The following TRPC4 variants were observed in gnomAD, a reference collection of about 807,000 sequenced individuals.
TRPC4 encodes short transient receptor potential channel 4.
Under a neutral mutation model 99.4 loss-of-function variants are expected in TRPC4, and 49 were observed. The ratio of observed to expected loss-of-function variants is 0.49; its 90% confidence interval spans 0.39 to 0.63. The LOEUF is 0.63. Ranked by LOEUF, TRPC4 falls within the 20% of genes least tolerant of loss-of-function variation. The pLI, the probability that TRPC4 is intolerant of heterozygous loss-of-function variation, is 0.00. For synonymous variants in TRPC4, 454 were observed against 425.9 expected, an observed-to-expected ratio of 1.07 and a Z score of -0.81; for missense variants, 898 against 1,152.9, an observed-to-expected ratio of 0.78 and a Z score of 3.20.
intron 3 of TRPC4, among the ~76,000 whole-genome samples, chr13:37,720,653 A>C (rs1555262587): frequency 6.6e-6 from 1 of 152,154 alleles, no homozygotes; most frequent in Non-Finnish European, 1.5e-5. Flanking sequence ...GATACACCTA[A>C]ATATTGGCAA....
chr13:37,800,287 T>C (rs1313463348), intron 1 of TRPC4, among the ~76,000 whole-genome samples: 1 of 152,178 alleles, frequency 6.6e-6, no homozygotes, highest in Non-Finnish European at 1.5e-5. Flanking sequence ...CTCCACAGTC[T>C]TGAACTCCTG....
intron 2 of TRPC4, among the ~76,000 whole-genome samples, chr13:37,779,506 C>A (rs562673729): frequency 6.6e-6 from 1 of 151,810 alleles, no homozygotes; most frequent in African/African-American, 2.4e-5. Context: ...ATGATCTATA[C>A]CCATCTATTT....
At chr13:37,667,596 C>T (rs1020493018) in intron 5 of TRPC4, among the ~76,000 whole-genome samples, 5 of 152,210 alleles carry the variant, frequency 3.3e-5, no homozygotes, top group African/African-American at 4.8e-5. Flanking sequence ...GCATTAGCCA[C>T]GGCACCCAGC....
chr13:37,835,570 A>G (rs1958543270), intron 1 of TRPC4, among the ~76,000 whole-genome samples: 1 of 152,176 alleles, frequency 6.6e-6, no homozygotes, highest in South Asian at 2.1e-4. Flanking sequence ...TACTGACAGG[A>G]GTAGTAGAGA....
intron 2 of TRPC4, among the ~76,000 whole-genome samples, chr13:37,751,395 T>C (rs931966949): frequency 1.5e-5 from 2 of 129,250 alleles, no homozygotes; most frequent in Admixed American, 7.5e-5. Context: ...GAGAAAAGAA[T>C]GAGAGAGAGA....
At chr13:37,796,967 A>AGT (rs1285404879) in intron 1 of TRPC4, among the ~76,000 whole-genome samples, 9 of 146,952 alleles carry the variant, frequency 6.1e-5, no homozygotes, top group African/African-American at 7.5e-5. Context: ...AATAAAATAA[A>AGT]ATAAAGTAAA....
chr13:37,653,387 T>C (rs1170177905), intron 7 of TRPC4, among the ~76,000 whole-genome samples: 4 of 148,040 alleles, frequency 2.7e-5, no homozygotes, highest in Non-Finnish European at 4.5e-5. Context: ...GAGTTACAGT[T>C]AACAAGAAAA....
intron 1 of TRPC4, among the ~76,000 whole-genome samples, chr13:37,786,790 G>A (rs1956982410): frequency 6.6e-6 from 1 of 152,070 alleles, no homozygotes. Context: ...GAAGTGGAAT[G>A]ACTGATTGGT....
At chr13:37,656,796 A>G (rs1245751394) in intron 6 of TRPC4, among the ~76,000 whole-genome samples, 3 of 152,240 alleles carry the variant, frequency 2.0e-5, no homozygotes, top group Non-Finnish European at 4.4e-5. Context: ...CAATAAGTAA[A>G]CTCGGAATAA....
At chr13:37,682,376 A>T (rs1302913230) in intron 4 of TRPC4, among the ~76,000 whole-genome samples, 2 of 152,220 alleles carry the variant, frequency 1.3e-5, no homozygotes, top group Non-Finnish European at 2.9e-5. Context: ...CAGGGAATAT[A>T]AAAGTAGTCT....
intron 6 of TRPC4, among the ~76,000 whole-genome samples, chr13:37,663,033 A>C (rs1952501723): frequency 6.6e-6 from 1 of 152,208 alleles, no homozygotes. Flanking sequence ...ACATGAGGAA[A>C]TATTGAAATC....
At chr13:37,764,248 T>C (rs1327644568) in intron 2 of TRPC4, among the ~76,000 whole-genome samples, 1 of 151,584 alleles carries the variant, frequency 6.6e-6, no homozygotes, top group African/African-American at 2.4e-5. Flanking sequence ...AATGTTCAGT[T>C]AGACAACTCA....
chr13:37,651,598 C>G, intron 7 of TRPC4, 139 bp from the exon 8 acceptor site: 3 of 718,462 alleles, frequency 4.2e-6, no homozygotes, highest in Non-Finnish European at 6.9e-6. Flanking sequence ...CACTGACTCC[C>G]AGAGACAGTC....
At chr13:37,815,652 C>T (rs1440970945) in intron 1 of TRPC4, among the ~76,000 whole-genome samples, 1 of 151,832 alleles carries the variant, frequency 6.6e-6, no homozygotes, top group Non-Finnish European at 1.5e-5. Context: ...ACTTAGATAA[C>T]CACGCAATAA....
intron 1 of TRPC4, among the ~76,000 whole-genome samples, chr13:37,853,814 A>G (rs1190537538): frequency 6.6e-6 from 1 of 152,056 alleles, no homozygotes; most frequent in African/African-American, 2.4e-5. Context: ...GTAACTTAAT[A>G]GCAGAATTGC....
chr13:37,763,486 G>T (rs2039433), intron 2 of TRPC4, among the ~76,000 whole-genome samples: 2,242 of 151,608 alleles, frequency 0.015, 43 homozygotes, highest in African/African-American at 0.051. Context: ...GAATCCCCTA[G>T]GCAAGTGGAA....
chr13:37,847,107 G>A (rs995054919), intron 1 of TRPC4, among the ~76,000 whole-genome samples: 7 of 152,012 alleles, frequency 4.6e-5, no homozygotes, highest in South Asian at 4.2e-4. Flanking sequence ...AGGGGGCCTC[G>A]ATACTCCACT....
At chr13:37,660,507 T>C (rs1952398275) in intron 6 of TRPC4, among the ~76,000 whole-genome samples, 1 of 152,074 alleles carries the variant, frequency 6.6e-6, no homozygotes, top group South Asian at 2.1e-4. Flanking sequence ...TTTACTTGGA[T>C]GAAAGGAATG....
chr13:37,657,942 A>G (rs1952294815), intron 6 of TRPC4, among the ~76,000 whole-genome samples: 1 of 152,110 alleles, frequency 6.6e-6, no homozygotes, highest in Non-Finnish European at 1.5e-5. Flanking sequence ...ACTAAAATAT[A>G]TTTATTTCTC....
Sources: allele counts gnomAD v4.1 joint callset (sites outside exome capture counted in the v4.1 genomes callset), GRCh38; gene constraint gnomAD v4.1.1; transcripts MANE v1.5; gene names NCBI Gene and HGNC (gene_info 2026-07-23, HGNC 2026-07-21).